Variants in DHRS4 observed in about 807,000 individuals in gnomAD.
DHRS4 encodes dehydrogenase/reductase SDR family member 4.
DHRS4 carries 20 observed loss-of-function variants against 28.4 expected under a neutral mutation model. The observed-to-expected ratio is 0.71, with a 90% CI of 0.50 to 1.02. DHRS4 has a LOEUF of 1.02. Among genes scored for constraint, DHRS4 ranks in the 50% least tolerant of loss-of-function variants. DHRS4 has a pLI of 0.00. For synonymous variants in DHRS4, 144 were observed against 146.4 expected (o/e 0.98, Z 0.12); for missense variants, 378 against 367.2 (o/e 1.03, Z -0.24).
rs1323022257 is a variant in DHRS4 at position 23,965,937 on chromosome 14, G to A, written c.485G>A (p.Gly162Asp). The A allele has an allele frequency of 1.2e-6, 2 of 1,608,960 alleles. No individual in the cohort carries two copies. Among genetic ancestry groups the A allele is most frequent in the Non-Finnish European group, 1.7e-6 (2 of 1,176,994 alleles). The change falls in exon 5 of 8, where the codon GGC (glycine) becomes GAC (aspartate). Residue 162 changes from glycine to aspartate, a missense_variant. Gly to Asp is a moderately conservative substitution (Grantham distance 94). Transcript: ENST00000313250. ...VVPEMEKRGG[G>D]SVVIVSSIAA... ...CAGCTCTCTTCTTTTTCCAGAGGCG[G>A]CTCAGTGGTGATCGTGTCTTCCATA...
intron 3 of DHRS4, among the ~76,000 whole-genome samples, chr14:23,964,405 G>A (rs548037770): frequency 0.026 from 3,736 of 145,928 alleles, 194 homozygotes; most frequent in African/African-American, 0.088. Flanking sequence ...ACACATTTGG[G>A]GGATAATTGA....
chr14:23,964,106 GA>G (rs2033518223), intron 3 of DHRS4, among the ~76,000 whole-genome samples: 1 of 149,474 alleles, frequency 6.7e-6, no homozygotes, highest in Non-Finnish European at 1.5e-5. Context: ...AATAATAATG[GA>G]AAGGTCTGAA....
intron 6 of DHRS4, among the ~76,000 whole-genome samples, chr14:23,966,869 G>A (rs2033642419): frequency 6.6e-6 from 1 of 152,276 alleles, no homozygotes; most frequent in Non-Finnish European, 1.5e-5. Flanking sequence ...TAAACATAAA[G>A]AGATTTCTGG....
In DHRS4 at chr14:23,966,277, C is replaced by G. The variant is rs1411285594; in HGVS notation, c.532-6C>G. The G allele has an allele frequency of 1.2e-6, 2 of 1,610,852 alleles. No individual in the cohort carries two copies. The highest frequency in any genetic ancestry group is 1.7e-6 in the Non-Finnish European group (2 of 1,178,748). ...ATGAGTCTAACACATTCTCTTCTTT[C>G]TCCAGGGCTTCAGTCCTTACAATGT... On this transcript the variant is annotated splice_polypyrimidine_tract_variant and splice_region_variant and intron_variant, in intron 5 of 7. Transcript: ENST00000313250.
chr14:23,962,763 C>T (rs1460112493), intron 3 of DHRS4, among the ~76,000 whole-genome samples: 1 of 151,014 alleles, frequency 6.6e-6, no homozygotes, highest in Non-Finnish European at 1.5e-5. Context: ...TAAAATGGTG[C>T]ATCCTTTACA....
intron 2 of DHRS4, among the ~76,000 whole-genome samples, chr14:23,958,121 T>G (rs554738118): frequency 6.6e-5 from 10 of 152,104 alleles, no homozygotes; most frequent in African/African-American, 2.4e-4. Context: ...TGACTTGGCT[T>G]TGTGCCAGGA....
Position 23,955,058 on chromosome 14 carries a change from G to A in DHRS4, c.152G>A (p.Arg51His), listed in dbSNP as rs559251300. Residue 51 changes from arginine to histidine, a missense_variant, in exon 2 of 8, where the codon CGT (arginine) becomes CAT (histidine). By Grantham distance (29) the Arg-to-His change is conservative. Transcript: ENST00000313250. ...TDGIGFAIAR[R>H]LAQDGAHVVV... ...AGGATCGGCTTCGCCATCGCCCGGC[G>A]TTTGGCCCAGGACGGGGCCCATGTG... The A allele has an allele frequency of 6.8e-6, 11 of 1,614,182 alleles. No individual in the cohort carries two copies. Among genetic ancestry groups the A allele is most frequent in the South Asian group, 3.3e-5 (3 of 91,084 alleles).
Position 23,953,793 on chromosome 14 carries a change from A to T in DHRS4, c.5A>T (p.His2Leu). Reference sequence around the variant, plus strand: ...CCATACTTGCTGGTCTGATCCATGCACAAGGCGGGGCTGCTAGGCCTCTGT... The same window carrying T: ...CCATACTTGCTGGTCTGATCCATGCTCAAGGCGGGGCTGCTAGGCCTCTGT... M[H>L]KAGLLGLCAR... The change falls in exon 1 of 8, where the codon CAC (histidine) becomes CTC (leucine). Residue 2 changes from histidine to leucine, a missense_variant. His to Leu is a moderately conservative substitution (Grantham distance 99). Coordinates refer to ENST00000313250, the MANE Select transcript of DHRS4 (RefSeq NM_021004.4). 6.2e-7 allele frequency: 1 copy of T among 1,614,024 alleles called. No homozygotes were observed. Among genetic ancestry groups the T allele is most frequent in the Non-Finnish European group, 8.5e-7 (1 of 1,179,946 alleles).
At position 23,965,829 on chromosome 14, in the gene DHRS4, G is replaced by A. The variant is rs772473215; in HGVS notation, c.476G>A (p.Arg159Gln). ...TKAVVPEMEK[R>Q]GGGSVVIVSS... Reference sequence around the variant, plus strand: ...GCAGTGGTGCCAGAAATGGAGAAACGAGGGTACAGAGAGTGAGAGAGAGCC... The same window carrying A: ...GCAGTGGTGCCAGAAATGGAGAAACAAGGGTACAGAGAGTGAGAGAGAGCC... Residue 159 changes from arginine (R) to glutamine (Q), a missense_variant, in exon 4 of 8, where the codon CGA (arginine) becomes CAA (glutamine). Coordinates refer to ENST00000313250, the MANE Select transcript of DHRS4 (RefSeq NM_021004.4). The A allele has an allele frequency of 1.3e-5, 21 of 1,606,898 alleles. 1 individual carries two copies. The highest frequency in any genetic ancestry group is 4.5e-5 in the East Asian group (2 of 44,310).
intron 3 of DHRS4, among the ~76,000 whole-genome samples, chr14:23,963,953 G>A (rs1042152066): frequency 6.6e-6 from 1 of 151,352 alleles, no homozygotes. Flanking sequence ...GAGGGAGAGA[G>A]ATGAGAGAAG....
intron 5 of DHRS4, 104 bp downstream of exon 5, chr14:23,966,087 A>T (rs1313054625): frequency 5.0e-6 from 8 of 1,603,118 alleles, no homozygotes; most frequent in Non-Finnish European, 6.8e-6. Context: ...GAATCACACC[A>T]CCAAGTCCCT....
chr14:23,955,141 G>C lies in DHRS4; in HGVS notation c.235G>C (p.Glu79Gln). 1 of 1,613,996 alleles carries C rather than the reference G, an allele frequency of 6.2e-7. No individual in the cohort carries two copies. ...VDQAVATLQG[E>Q]GLSVTGTVCH... ...CCAGGCGGTGGCCACGCTGCAGGGGGAGGGGCTGAGCGTGACGGGCACCGT... is the reference window on the plus strand; with the variant it reads ...CCAGGCGGTGGCCACGCTGCAGGGGCAGGGGCTGAGCGTGACGGGCACCGT... Residue 79 changes from glutamate (E) to glutamine (Q), a missense_variant, in exon 2 of 8, where the codon GAG (glutamate) becomes CAG (glutamine). Physicochemically the swap from Glu to Gln is conservative, Grantham distance 29. Transcript: ENST00000313250.
intron 3 of DHRS4, among the ~76,000 whole-genome samples, chr14:23,962,645 G>A (rs2033461509): frequency 6.6e-6 from 1 of 151,686 alleles, no homozygotes; most frequent in Non-Finnish European, 1.5e-5. Flanking sequence ...ATGCAGTCTT[G>A]AACCCTTCCA....
At position 23,964,220 on chromosome 14, in the gene DHRS4, TAAAAAAAAAAAAAAAAAAAA is replaced by T. The variant is rs71119059; in HGVS notation, c.409-1527_409-1508del. The stretch of plus-strand genomic sequence containing the variant: ...AGGGTTGCCACGAAACTGCAATTTG[TAAAAAAAAAAAAAAAAAAAA>T]AAAAAAAAAAAAAACACAATATCTG... On this transcript the variant is annotated intron_variant, in intron 3 of 7. Transcript: ENST00000313250. Among the ~76,000 whole-genome samples the T allele has an allele frequency of 8.7e-5, 3 of 34,502 alleles. No homozygotes were observed. The East Asian group carries it at 2.0e-3, about 23-fold the overall frequency. 22.6% of individuals were successfully genotyped at this position (34,502 alleles called of 152,430 possible). A position where few individuals can be genotyped will look rare whatever the true frequency, so the allele number is the denominator to read the frequency against.
chr14:23,961,569 A>G (rs1484479694), intron 3 of DHRS4, among the ~76,000 whole-genome samples: 1 of 117,306 alleles, frequency 8.5e-6, no homozygotes, highest in Admixed American at 8.9e-5. Flanking sequence ...TTGAGGCTAG[A>G]GGGCTGTGGT....
intron 7 of DHRS4, 96 bp from the exon 8 acceptor site, chr14:23,968,661 A>G (rs561043298): frequency 3.2e-6 from 5 of 1,549,364 alleles, no homozygotes; most frequent in Admixed American, 3.9e-5. Flanking sequence ...GCCATCTGAT[A>G]ATTCTTGATT....
At chr14:23,966,148 T>G in intron 5 of DHRS4, 135 bp from the exon 6 acceptor site, 1 of 1,583,868 alleles carries the variant, frequency 6.3e-7, no homozygotes. Context: ...AGGGGAGGTT[T>G]AGCCACAAGA....
rs751004270 is a variant in DHRS4 at position 23,968,777 on chromosome 14, G to A, written c.743G>A (p.Cys248Tyr). The A allele has an allele frequency of 1.2e-6, 2 of 1,604,786 alleles. No individual in the cohort carries two copies. The highest frequency in any genetic ancestry group is 1.7e-6 in the Non-Finnish European group (2 of 1,176,008). Residue 248 changes from cysteine to tyrosine, a missense_variant, in exon 8 of 8, where the codon TGT (cysteine) becomes TAT (tyrosine). By Grantham distance (194) the Cys-to-Tyr change is radical (BLOSUM62 -2). Coordinates refer to ENST00000313250, the MANE Select transcript of DHRS4 (RefSeq NM_021004.4). The part of the protein sequence containing the change: ...RIRRLGEPED[C>Y]AGIVSFLCSE... ...CCCAGGTTAGGCGAGCCAGAGGATTGTGCTGGCATCGTGTCTTTCCTGTGC... is the reference window on the plus strand; with the variant it reads ...CCCAGGTTAGGCGAGCCAGAGGATTATGCTGGCATCGTGTCTTTCCTGTGC...
At chr14:23,958,183 A>G (rs939161428) in intron 2 of DHRS4, among the ~76,000 whole-genome samples, 5 of 152,048 alleles carry the variant, frequency 3.3e-5, no homozygotes, top group African/African-American at 1.2e-4. Flanking sequence ...TTAAAAGATT[A>G]TGTGACTGTA....
Sources: allele counts gnomAD v4.1 joint callset (sites outside exome capture counted in the v4.1 genomes callset), GRCh38; gene constraint gnomAD v4.1.1; transcripts MANE v1.5; gene names NCBI Gene and HGNC (gene_info 2026-07-23, HGNC 2026-07-21).